The following ADCY2 variants were observed in gnomAD, a reference collection of about 807,000 sequenced individuals.
ADCY2 encodes the protein adenylate cyclase 2, also known as adenylate cyclase type 2.
ADCY2 carries 31 observed loss-of-function variants against 125.2 expected under a neutral mutation model. The observed-to-expected ratio is 0.25, with a 90% CI of 0.19 to 0.33. The LOEUF is 0.33. ADCY2 is among the 10% of genes least tolerant of loss of function. ADCY2 has a pLI of 1.00. For synonymous variants in ADCY2, 512 were observed against 548.4 expected, an observed-to-expected ratio of 0.93 and a Z score of 0.93; for missense variants, 904 against 1,418.2, an observed-to-expected ratio of 0.64 and a Z score of 5.82.
chr5:7,624,980 G>C (rs1738073736), intron 3 of ADCY2, among the ~76,000 whole-genome samples: 1 of 152,128 alleles, frequency 6.6e-6, no homozygotes, highest in African/African-American at 2.4e-5. Context: ...TAAATAGTGG[G>C]TTACACTAAA....
intron 16 of ADCY2, among the ~76,000 whole-genome samples, chr5:7,763,050 T>G (rs11750179): frequency 0.7 from 91,202 of 131,020 alleles, 27,853 homozygotes; most frequent in East Asian, 0.76. Flanking sequence ...TTCTTTGTTT[T>G]TTTTGTTTGT....
intron 3 of ADCY2, among the ~76,000 whole-genome samples, chr5:7,543,734 G>A (rs1735065266): frequency 1.3e-5 from 2 of 152,006 alleles, no homozygotes; most frequent in Admixed American, 1.3e-4. Flanking sequence ...CATTGGCCAG[G>A]CACAGTGGCT....
chr5:7,428,642 A>C (rs1473038942), intron 2 of ADCY2, among the ~76,000 whole-genome samples: 2 of 152,200 alleles, frequency 1.3e-5, no homozygotes, highest in Non-Finnish European at 2.9e-5. Context: ...CAGTGAGGGG[A>C]TAATTTCATT....
At chr5:7,501,131 TAAA>T (rs754532650) in intron 2 of ADCY2, among the ~76,000 whole-genome samples, 24,824 of 143,666 alleles carry the variant, frequency 0.17, 2,238 homozygotes, top group African/African-American at 0.2. Context: ...AGCTTTTTTT[TAAA>T]AAAAAAAAAA....
At chr5:7,630,658 C>G (rs576528697) in intron 4 of ADCY2, among the ~76,000 whole-genome samples, 1 of 152,056 alleles carries the variant, frequency 6.6e-6, no homozygotes, top group East Asian at 1.9e-4. Context: ...AGGGAGAATT[C>G]ATTTCCTGGC....
intron 18 of ADCY2, among the ~76,000 whole-genome samples, chr5:7,782,798 G>A (rs1216099358): frequency 6.6e-6 from 1 of 152,248 alleles, no homozygotes; most frequent in African/African-American, 2.4e-5. Flanking sequence ...ATGAAAGTCA[G>A]AGTCAGAATT....
At chr5:7,587,714 T>TCAATTTAGAAAATTTGACAG (rs1736679509) in intron 3 of ADCY2, among the ~76,000 whole-genome samples, 1 of 152,184 alleles carries the variant, frequency 6.6e-6, no homozygotes, top group Admixed American at 6.5e-5. Context: ...ATGACAGCAA[T>TCAATTTAGAAAATTTGACAG]CAATTTAGAA....
intron 4 of ADCY2, among the ~76,000 whole-genome samples, chr5:7,669,096 G>T (rs1322616866): frequency 6.6e-6 from 1 of 152,190 alleles, no homozygotes; most frequent in African/African-American, 2.4e-5. Context: ...CACCTGAACT[G>T]CTGACACTTC....
At chr5:7,478,467 A>G (rs1211778006) in intron 2 of ADCY2, among the ~76,000 whole-genome samples, 1 of 152,228 alleles carries the variant, frequency 6.6e-6, no homozygotes, top group Admixed American at 6.5e-5. Flanking sequence ...TAATTACAGA[A>G]TATACTTAAC....
At chr5:7,738,932 CA>C (rs1264294682) in intron 14 of ADCY2, among the ~76,000 whole-genome samples, 1 of 151,508 alleles carries the variant, frequency 6.6e-6, no homozygotes, top group Non-Finnish European at 1.5e-5. Context: ...GCATATCTGA[CA>C]AAATCAAAGA....
At chr5:7,702,398 G>GC (rs1374700428) in intron 7 of ADCY2, among the ~76,000 whole-genome samples, 2 of 151,610 alleles carry the variant, frequency 1.3e-5, no homozygotes, top group East Asian at 3.9e-4. Flanking sequence ...CCCACGACAG[G>GC]CCCCGGTATG....
intron 1 of ADCY2, among the ~76,000 whole-genome samples, chr5:7,412,796 A>G (rs899738288): frequency 6.6e-6 from 1 of 152,246 alleles, no homozygotes; most frequent in African/African-American, 2.4e-5. Flanking sequence ...CACCAGCTGG[A>G]CAATCCATGG....
chr5:7,743,975 C>T (rs1055034628), intron 15 of ADCY2, among the ~76,000 whole-genome samples: 1 of 152,102 alleles, frequency 6.6e-6, no homozygotes, highest in African/African-American at 2.4e-5. Context: ...TCAAAACGTT[C>T]GATGTCACAT....
chr5:7,660,906 G>T (rs1218297374), intron 4 of ADCY2, among the ~76,000 whole-genome samples: 1 of 152,242 alleles, frequency 6.6e-6, no homozygotes, highest in Non-Finnish European at 1.5e-5. Flanking sequence ...GGGAAGGGTA[G>T]CTATGGGAGG....
At position 7,402,502 on chromosome 5, in the gene ADCY2, C is replaced by T. The variant is rs534770731; in HGVS notation, c.210+5996C>T. ...CCAGGAGCCAGATGCAAGTGAGAGT[C>T]GGGTAGACACAGTAAGAAAAACCTC... On this transcript the variant is annotated intron_variant, in intron 1 of 24. Coordinates refer to ENST00000338316, the MANE Select transcript of ADCY2 (RefSeq NM_020546.3). Among the ~76,000 whole-genome samples, 4 of 152,234 alleles carry T rather than the reference C, an allele frequency of 2.6e-5. No individual in the cohort carries two copies. In the South Asian group the frequency reaches 6.2e-4, roughly 24 times the overall value.
chr5:7,755,643 G>A (rs774316583), intron 15 of ADCY2, among the ~76,000 whole-genome samples: 4 of 152,138 alleles, frequency 2.6e-5, no homozygotes, highest in Non-Finnish European at 5.9e-5. Flanking sequence ...CCGTTTCAGA[G>A]AGGAAGAAAC....
At chr5:7,783,607 G>A (rs759386117) in intron 18 of ADCY2, among the ~76,000 whole-genome samples, 2 of 152,124 alleles carry the variant, frequency 1.3e-5, no homozygotes, top group African/African-American at 2.4e-5. Context: ...AAATGCCATC[G>A]ATGCTGCTTA....
chr5:7,773,404 G>A (rs1467967687), intron 18 of ADCY2, among the ~76,000 whole-genome samples: 2 of 152,106 alleles, frequency 1.3e-5, no homozygotes, highest in Non-Finnish European at 2.9e-5. Flanking sequence ...TTGACATTTT[G>A]GACTAAATAA....
chr5:7,790,426 A>C (rs1205268643), intron 20 of ADCY2, among the ~76,000 whole-genome samples: 2 of 152,264 alleles, frequency 1.3e-5, no homozygotes, highest in Non-Finnish European at 2.9e-5. Context: ...AGTTGCAAAG[A>C]CTACAATGTC....
Sources: allele counts gnomAD v4.1 joint callset (sites outside exome capture counted in the v4.1 genomes callset), GRCh38; gene constraint gnomAD v4.1.1; transcripts MANE v1.5; gene names NCBI Gene and HGNC (gene_info 2026-07-23, HGNC 2026-07-21).